CDC42SE2: variants seen among roughly 807,000 people sequenced by gnomAD.
CDC42SE2 encodes the protein CDC42 small effector protein 2.
A neutral mutation model predicts 11.5 loss-of-function variants in CDC42SE2; 3 were observed. That is an observed-to-expected ratio of 0.26 (90% CI 0.12 to 0.67). The LOEUF is 0.67. Among genes scored for constraint, CDC42SE2 ranks in the 30% least tolerant of loss-of-function variants. The pLI is 0.80. For missense variants in CDC42SE2, 82 were observed against 106.8 expected, an observed-to-expected ratio of 0.77 and a Z score of 1.02; for synonymous variants, 33 against 34.8, an observed-to-expected ratio of 0.95 and a Z score of 0.18.
the CDC42SE2 span, among the ~76,000 whole-genome samples, chr5:131,216,509 A>AACAAAAC: frequency 3.0e-5 from 4 of 133,128 alleles, no homozygotes; most frequent in Admixed American, 1.5e-4. Flanking sequence ...CTCAAAAAAA[A>AACAAAAC]AAAAAAAAAA....
chr5:131,227,701 T>C, the CDC42SE2 span, among the ~76,000 whole-genome samples: 1 of 152,278 alleles, frequency 6.6e-6, no homozygotes, highest in South Asian at 2.1e-4. Flanking sequence ...TATGGGATAG[T>C]TCAATAACTT....
At position 131,339,741 on chromosome 5, in the gene CDC42SE2, T is replaced by C. The variant is rs1334153860; in HGVS notation, c.-285-19468T>C. ...AGGAGAATTGCTTGAACCCAGGAGG[T>C]GGAGGTTGCAGTGAGCCAAGATTGT... On this transcript the variant is annotated intron_variant, in intron 2 of 4. Transcript: ENST00000505065. 2.7e-5 allele frequency among the ~76,000 whole-genome samples: 4 copies of C among 147,490 alleles called. No homozygotes were observed. The Admixed American group carries it at 2.8e-4, about 10-fold the overall frequency.
At chr5:131,356,247 A>C (rs1749540122) in intron 2 of CDC42SE2, among the ~76,000 whole-genome samples, 1 of 152,228 alleles carries the variant, frequency 6.6e-6, no homozygotes, top group African/African-American at 2.4e-5. Flanking sequence ...TTATCTAAAG[A>C]TTTCAAAAAG....
intron 2 of CDC42SE2, among the ~76,000 whole-genome samples, chr5:131,324,215 C>T (rs1431094701): frequency 6.6e-6 from 1 of 152,148 alleles, no homozygotes; most frequent in African/African-American, 2.4e-5. Flanking sequence ...CCTGTGACTA[C>T]ATTATGAGTA....
At chr5:131,375,722 CAAAGTAGGCTA>C (rs1232863200) in intron 3 of CDC42SE2, among the ~76,000 whole-genome samples, 2 of 150,616 alleles carry the variant, frequency 1.3e-5, no homozygotes, top group African/African-American at 5.0e-5. Flanking sequence ...ATTTGGAATC[CAAAGTAGGCTA>C]TTCAGTTATT....
chr5:131,378,066 A>G (rs943546010), intron 3 of CDC42SE2, among the ~76,000 whole-genome samples: 11 of 152,216 alleles, frequency 7.2e-5, no homozygotes, highest in African/African-American at 2.2e-4. Flanking sequence ...TTACAATACA[A>G]TGTTTTAAGT....
intron 2 of CDC42SE2, among the ~76,000 whole-genome samples, chr5:131,339,362 A>G (rs1758654551): frequency 6.6e-6 from 1 of 151,794 alleles, no homozygotes; most frequent in African/African-American, 2.4e-5. Context: ...CCAACATGAG[A>G]GAGAGTCAGA....
intron 2 of CDC42SE2, among the ~76,000 whole-genome samples, chr5:131,331,573 A>T (rs913656591): frequency 6.6e-6 from 1 of 152,170 alleles, no homozygotes; most frequent in South Asian, 2.1e-4. Flanking sequence ...ATTAACATTC[A>T]ATTTTTTTTC....
intron 2 of CDC42SE2, among the ~76,000 whole-genome samples, chr5:131,330,838 G>A (rs1215617066): frequency 5.2e-5 from 7 of 134,730 alleles, no homozygotes; most frequent in African/African-American, 1.7e-4. Context: ...GAAACATATA[G>A]ACCCTGCCTT....
intron 2 of CDC42SE2, among the ~76,000 whole-genome samples, chr5:131,335,374 G>C (rs1359859121): frequency 6.6e-6 from 1 of 151,228 alleles, no homozygotes. Context: ...GCTGAGGAGT[G>C]CTTTACTTCC....
At chr5:131,252,968 G>A (rs1189966114) in intron 1 of CDC42SE2, 1 of 152,160 alleles carries the variant, frequency 6.6e-6, no homozygotes, top group Non-Finnish European at 1.5e-5. Flanking sequence ...TCTAAACTGC[G>A]CAACTTCCTC....
At chr5:131,324,380 G>A (rs1421678771) in intron 2 of CDC42SE2, among the ~76,000 whole-genome samples, 5 of 152,232 alleles carry the variant, frequency 3.3e-5, no homozygotes, top group African/African-American at 1.2e-4. Flanking sequence ...ACAAGTAGTG[G>A]TATGGCTTGG....
intron 1 of CDC42SE2, among the ~76,000 whole-genome samples, chr5:131,300,915 A>G (rs1205875616): frequency 6.6e-6 from 1 of 152,200 alleles, no homozygotes; most frequent in East Asian, 1.9e-4. Flanking sequence ...TTTAGCTATG[A>G]TATGTCAAGC....
At chr5:131,303,841 A>T (rs1268717058) in intron 1 of CDC42SE2, among the ~76,000 whole-genome samples, 1 of 152,210 alleles carries the variant, frequency 6.6e-6, no homozygotes, top group Non-Finnish European at 1.5e-5. Flanking sequence ...TGGATAACTT[A>T]ATTTCTTTAA....
the CDC42SE2 span, among the ~76,000 whole-genome samples, chr5:131,222,290 C>T: frequency 6.6e-6 from 1 of 152,216 alleles, no homozygotes; most frequent in Non-Finnish European, 1.5e-5. Flanking sequence ...CCAAAAGTCT[C>T]TAAGTCCTGA....
chr5:131,390,599 T>A (rs1235027608), intron 4 of CDC42SE2, among the ~76,000 whole-genome samples: 17 of 151,956 alleles, frequency 1.1e-4, no homozygotes, highest in Non-Finnish European at 1.5e-4. Flanking sequence ...CATTTGAACC[T>A]GGGAGGTGGA....
chr5:131,342,673 C>T (rs142919938), intron 2 of CDC42SE2, among the ~76,000 whole-genome samples: 115 of 151,566 alleles, frequency 7.6e-4, no homozygotes, highest in South Asian at 6.5e-3. Context: ...CAGGTGTGAG[C>T]CACTGCACCT....
chr5:131,296,903 G>T (rs1757580880), intron 1 of CDC42SE2, among the ~76,000 whole-genome samples: 2 of 151,730 alleles, frequency 1.3e-5, no homozygotes, highest in Non-Finnish European at 2.9e-5. Flanking sequence ...TTTTATTGAA[G>T]ATTATTATAA....
At chr5:131,295,979 C>G (rs980413311) in intron 1 of CDC42SE2, among the ~76,000 whole-genome samples, 2 of 152,158 alleles carry the variant, frequency 1.3e-5, no homozygotes, top group East Asian at 1.9e-4. Flanking sequence ...GCCACCGCAC[C>G]CGGCCAACAC....
Sources: allele counts gnomAD v4.1 joint callset (sites outside exome capture counted in the v4.1 genomes callset), GRCh38; gene constraint gnomAD v4.1.1; transcripts MANE v1.5; gene names NCBI Gene and HGNC (gene_info 2026-07-23, HGNC 2026-07-21).